The following CPLANE1 variants were observed in gnomAD, a reference collection of about 807,000 sequenced individuals.
CPLANE1 encodes ciliogenesis and planar polarity effector complex subunit 1, also known as ciliogenesis and planar polarity effector 1.
In CPLANE1, 263 loss-of-function variants were observed where a neutral mutation model predicts 362.5. That is an observed-to-expected ratio of 0.73 (90% CI 0.66 to 0.80). The LOEUF is 0.80. Ranked by LOEUF, CPLANE1 falls within the 30% of genes least tolerant of loss-of-function variation. CPLANE1 has a pLI of 0.00. For missense variants in CPLANE1, 3,461 were observed against 3,793.4 expected (o/e 0.91, Z 2.30); for synonymous variants, 1,212 against 1,302.6 (o/e 0.93, Z 1.50).
chr5:37,161,033 A>G (rs1776726722), intron 38 of CPLANE1, among the ~76,000 whole-genome samples: 1 of 152,222 alleles, frequency 6.6e-6, no homozygotes, highest in Non-Finnish European at 1.5e-5. Context: ...AATCACAGTA[A>G]TAACCAAAAA....
intron 42 of CPLANE1, among the ~76,000 whole-genome samples, chr5:37,152,938 T>A (rs771076415): frequency 3.3e-5 from 5 of 152,056 alleles, no homozygotes; most frequent in Non-Finnish European, 5.9e-5. Flanking sequence ...AACTGATTAC[T>A]AACTCTCTTA....
intron 9 of CPLANE1, among the ~76,000 whole-genome samples, chr5:37,230,594 TTTA>T (rs1797526848): frequency 6.6e-6 from 1 of 152,168 alleles, no homozygotes; most frequent in African/African-American, 2.4e-5. Context: ...TATATCATAC[TTTA>T]TTAACTTTTA....
chr5:37,150,524 GCA>G (rs146749059), intron 42 of CPLANE1, among the ~76,000 whole-genome samples: 195 of 149,570 alleles, frequency 1.3e-3, no homozygotes, highest in African/African-American at 4.5e-3. Flanking sequence ...ACACACGCGC[GCA>G]CACACACACA....
chr5:37,228,093 C>T (rs1421575936), intron 9 of CPLANE1, among the ~76,000 whole-genome samples: 1 of 152,020 alleles, frequency 6.6e-6, no homozygotes, highest in Non-Finnish European at 1.5e-5. Flanking sequence ...GAAAATAATT[C>T]AGGCAGTTTA....
intron 26 of CPLANE1, among the ~76,000 whole-genome samples, chr5:37,181,420 T>G (rs866642477): frequency 6.6e-6 from 1 of 152,192 alleles, no homozygotes; most frequent in African/African-American, 2.4e-5. Context: ...TTGTCTCACT[T>G]AAAATTTCCA....
In CPLANE1 at chr5:37,168,792, C is replaced by T. The variant is rs1020416264; in HGVS notation, c.7232G>A (p.Arg2411Lys). The T allele has an allele frequency of 4.3e-6, 7 of 1,609,328 alleles. No homozygotes were observed. The highest frequency in any genetic ancestry group is 1.3e-5 in the African/African-American group (1 of 74,700). ...CATTACCATACAAAAATTCATTACC[C>T]TATTTTCTGGGGACAAATGTGAATG... The part of the protein sequence containing the change: ...LLHSHLSPEN[R>K]CKKTQLIPLE... The change falls in exon 34 of 53, where the codon AGG becomes AAG. Residue 2411 changes from arginine (R) to lysine (K), a missense_variant and splice_region_variant. By Grantham distance (26) the Arg-to-Lys change is conservative (BLOSUM62 2). Around this residue, in one of 2 missense-constraint regions of CPLANE1, gnomAD observed 3,380 missense variants for 3,666.1 expected, o/e 0.92. Transcript: ENST00000651892.
Position 37,107,007 on chromosome 5 carries a change from T to A in CPLANE1, c.*595A>T. 1 of 985,450 alleles carries A rather than the reference T, an allele frequency of 1.0e-6. No homozygotes were observed. Among genetic ancestry groups the A allele is most frequent in the Non-Finnish European group, 1.2e-6 (1 of 829,946 alleles). 61.0% of individuals were successfully genotyped at this position (985,450 alleles called of 1,614,324 possible). A position where few individuals can be genotyped will look rare whatever the true frequency, so the allele number is the denominator to read the frequency against. ...CCTGCCCAAAGCATCCATTCCTGTTTCTTCCTCCAAGGCTTCAGGCTACAG... is the reference window on the plus strand; with the variant it reads ...CCTGCCCAAAGCATCCATTCCTGTTACTTCCTCCAAGGCTTCAGGCTACAG... On this transcript the variant is annotated 3_prime_UTR_variant, in exon 53 of 53. Transcript: ENST00000651892.
intron 16 of CPLANE1, among the ~76,000 whole-genome samples, chr5:37,208,689 A>C (rs867106601): frequency 2.6e-4 from 14 of 53,860 alleles, no homozygotes; most frequent in African/African-American, 8.2e-4. Context: ...CCCCCCCCCA[A>C]AAAAAAAAAA....
At position 37,180,939 on chromosome 5, in the gene CPLANE1, C is replaced by A; in HGVS notation, c.5488G>T (p.Ala1830Ser). 1 of 1,614,034 alleles carries A rather than the reference C, an allele frequency of 6.2e-7. No homozygotes were observed. The highest frequency in any genetic ancestry group is 1.1e-5 in the South Asian group (1 of 91,080). Reference protein sequence around the residue: ...PNIERESKSDAGGSVAVATPG... With the variant: ...PNIERESKSDSGGSVAVATPG... ...GTTGCTACTGCAACTGAACCGCCAG[C>A]ATCTGATTTGCTCTCCCTCTCAATA... Residue 1830 changes from alanine (A) to serine (S), a missense_variant, in exon 27 of 53, where the codon GCT (alanine) becomes TCT (serine). Physicochemically the swap from Ala to Ser is moderately conservative, Grantham distance 99. This residue lies in a region of CPLANE1 where 3,380 missense variants were observed against 3,666.1 expected (regional missense o/e 0.92). Coordinates refer to ENST00000651892, the MANE Select transcript of CPLANE1 (RefSeq NM_001384732.1).
chr5:37,123,819 C>G (rs925783787), intron 47 of CPLANE1, among the ~76,000 whole-genome samples: 1 of 152,092 alleles, frequency 6.6e-6, no homozygotes, highest in South Asian at 2.1e-4. Flanking sequence ...AGCCACTATT[C>G]CTAGCCAATT....
At chr5:37,229,140 A>C (rs2365911) in intron 9 of CPLANE1, among the ~76,000 whole-genome samples, 148,443 of 148,500 alleles carry the variant, frequency 1, 74,193 homozygotes, top group Middle Eastern at 1. Flanking sequence ...TTTCTTGAAC[A>C]CGGGAGGTGG....
At chr5:37,103,492 T>C (rs891194169), downstream of CPLANE1, among the ~76,000 whole-genome samples, 1 of 152,214 alleles carries the variant, frequency 6.6e-6, no homozygotes, top group Non-Finnish European at 1.5e-5. Context: ...TGTGCTTTTG[T>C]AGTGGCTGGT....
intron 22 of CPLANE1, 52 bp from the exon 23 acceptor site, chr5:37,187,624 C>A: frequency 1.9e-6 from 3 of 1,571,456 alleles, no homozygotes; most frequent in Admixed American, 1.8e-5. Flanking sequence ...GATGGTAGAC[C>A]AGAATGAGTT....
chr5:37,238,628 T>C (rs1166298960), intron 8 of CPLANE1, among the ~76,000 whole-genome samples: 3 of 150,924 alleles, frequency 2.0e-5, no homozygotes, highest in African/African-American at 7.3e-5. Context: ...CTCAAGTAGC[T>C]GGGACTACAG....
At chr5:37,188,686 G>T (rs1050020856) in intron 21 of CPLANE1, among the ~76,000 whole-genome samples, 1 of 152,130 alleles carries the variant, frequency 6.6e-6, no homozygotes, top group Non-Finnish European at 1.5e-5. Context: ...CAGAGGAAAA[G>T]AAATCATTAT....
intron 8 of CPLANE1, among the ~76,000 whole-genome samples, chr5:37,235,686 C>T (rs1798822517): frequency 6.6e-6 from 1 of 150,734 alleles, no homozygotes; most frequent in East Asian, 1.9e-4. Flanking sequence ...GATTCTCCTG[C>T]CTCAGCCTCC....
Position 37,247,632 on chromosome 5 carries a change from A to C in CPLANE1, c.67T>G (p.Ser23Ala). The change falls in exon 2 of 53, where the codon TCC becomes GCC. Residue 23 changes from serine (S) to alanine (A), a missense_variant. By Grantham distance (99) the Ser-to-Ala change is moderately conservative. Around this residue, in one of 2 missense-constraint regions of CPLANE1, gnomAD observed 3,380 missense variants for 3,666.1 expected, o/e 0.92. Transcript: ENST00000651892. ...IKQKKPWPRVSWLGKEKEAVF... is the reference protein window; with the variant it reads ...IKQKKPWPRVAWLGKEKEAVF... Reference sequence around the variant, plus strand: ...GAAAAACCTACCTTTCCCAACCAGGAGACACGTGGCCATGGTTTTTTCTGC... The same window carrying C: ...GAAAAACCTACCTTTCCCAACCAGGCGACACGTGGCCATGGTTTTTTCTGC... 1 of 1,550,900 alleles carries C rather than the reference A, an allele frequency of 6.4e-7. No individual in the cohort carries two copies.
rs760729964 is a variant in CPLANE1, at chr5:37,187,547, C to T, written c.3947G>A (p.Cys1316Tyr). The change falls in exon 23 of 53, where the codon TGT becomes TAT. Residue 1316 changes from cysteine to tyrosine, a missense_variant. This residue lies in a region of CPLANE1 where 3,380 missense variants were observed against 3,666.1 expected (regional missense o/e 0.92). Coordinates refer to ENST00000651892, the MANE Select transcript of CPLANE1 (RefSeq NM_001384732.1). ...TGCACTAAGACAGTGCTCAATCATACAAGAATCAAACTCCACTTCAAGGTC... is the reference window on the plus strand; with the variant it reads ...TGCACTAAGACAGTGCTCAATCATATAAGAATCAAACTCCACTTCAAGGTC... Reference protein sequence around the residue: ...EKDLEVEFDSCMIEHCLSAVE... With the variant: ...EKDLEVEFDSYMIEHCLSAVE... 2.5e-6 allele frequency: 4 copies of T among 1,607,412 alleles called. No homozygotes were observed. Among genetic ancestry groups the T allele is most frequent in the South Asian group, 1.1e-5 (1 of 88,828 alleles).
At chr5:37,078,001 C>T in the CPLANE1 span, among the ~76,000 whole-genome samples, 5 of 152,140 alleles carry the variant, frequency 3.3e-5, no homozygotes, top group African/African-American at 7.2e-5. Context: ...GATCCTCCTG[C>T]GTCAGCCTCC....
Sources: gnomAD v4.1 joint callset for allele counts (sites outside exome capture counted in the v4.1 genomes callset) on GRCh38, gnomAD v4.1.1 for gene constraint, gnomAD v4.1.1 regional missense constraint, MANE v1.5 for transcripts, NCBI Gene and HGNC (gene_info 2026-07-23, HGNC 2026-07-21) for gene names.